Variants in CSMD1 observed in about 807,000 individuals in gnomAD.
The protein encoded by CSMD1 is CUB and Sushi multiple domains 1.
In CSMD1, 213 loss-of-function variants were observed where a neutral mutation model predicts 417.5. The observed-to-expected ratio is 0.51, with a 90% CI of 0.46 to 0.57. The LOEUF (loss-of-function observed/expected upper bound fraction) is 0.57. CSMD1 is among the 20% of genes least tolerant of loss of function. The pLI is 0.00. For missense variants in CSMD1, 6,923 were observed against 4,529.7 expected (o/e 1.53, Z -15.17); for synonymous variants, 2,862 against 1,736.8 (o/e 1.65, Z -16.11).
chr8:4,782,918 G>A (rs1447193360), intron 1 of CSMD1, among the ~76,000 whole-genome samples: 2 of 147,650 alleles, frequency 1.4e-5, no homozygotes, highest in Non-Finnish European at 3.0e-5. Context: ...GCCATATTTG[G>A]ATTCTTATAA....
intron 3 of CSMD1, among the ~76,000 whole-genome samples, chr8:4,299,744 C>T (rs1034678047): frequency 6.6e-6 from 1 of 152,042 alleles, no homozygotes; most frequent in Non-Finnish European, 1.5e-5. Context: ...GATTGTCATG[C>T]CTCAGCCTCC....
chr8:4,160,814 C>T (rs1011998851), intron 3 of CSMD1, among the ~76,000 whole-genome samples: 1 of 152,148 alleles, frequency 6.6e-6, no homozygotes, highest in Non-Finnish European at 1.5e-5. Context: ...CTGTAAATAT[C>T]AGAAAAGAAG....
At chr8:3,744,388 C>G (rs1796964053) in intron 6 of CSMD1, among the ~76,000 whole-genome samples, 1 of 152,054 alleles carries the variant, frequency 6.6e-6, no homozygotes, top group Non-Finnish European at 1.5e-5. Flanking sequence ...GATTTGGAAC[C>G]CAGGTTAATG....
chr8:3,319,054 T>A (rs537687016), intron 23 of CSMD1, among the ~76,000 whole-genome samples: 1 of 152,336 alleles, frequency 6.6e-6, no homozygotes, highest in Non-Finnish European at 1.5e-5. Context: ...GGAATTTGAT[T>A]ATCCTCAGAA....
At chr8:3,633,234 G>A (rs1036904770) in intron 7 of CSMD1, among the ~76,000 whole-genome samples, 1 of 152,080 alleles carries the variant, frequency 6.6e-6, no homozygotes, top group African/African-American at 2.4e-5. Context: ...GTCTACATTG[G>A]ATATAACATA....
chr8:3,508,202 C>T (rs1323333898), intron 10 of CSMD1, among the ~76,000 whole-genome samples: 1 of 152,060 alleles, frequency 6.6e-6, no homozygotes, highest in African/African-American at 2.4e-5. Context: ...CTTTGGTTGT[C>T]TAGAAATAGC....
At chr8:3,094,486 T>C (rs1815164350) in intron 47 of CSMD1, among the ~76,000 whole-genome samples, 1 of 152,164 alleles carries the variant, frequency 6.6e-6, no homozygotes, top group African/African-American at 2.4e-5. Context: ...ACTAACTTTC[T>C]AGAAGGAATA....
At chr8:4,976,873 A>G (rs1237384904) in intron 1 of CSMD1, among the ~76,000 whole-genome samples, 1 of 152,152 alleles carries the variant, frequency 6.6e-6, no homozygotes, top group African/African-American at 2.4e-5. Context: ...AGAAATATAG[A>G]GGGACATTGC....
At chr8:3,708,586 T>G in intron 6 of CSMD1, 95 bp from the exon 7 acceptor site, 1 of 926,144 alleles carries the variant, frequency 1.1e-6, no homozygotes, top group South Asian at 1.4e-5. Flanking sequence ...AACTGCTTTC[T>G]ATCAACCCCC....
At chr8:4,846,341 G>C (rs143707746) in intron 1 of CSMD1, among the ~76,000 whole-genome samples, 2 of 152,198 alleles carry the variant, frequency 1.3e-5, no homozygotes, top group African/African-American at 2.4e-5. Flanking sequence ...GTGTGCATAT[G>C]GGTTTATAGA....
At chr8:3,852,076 C>G (rs1490573427) in intron 5 of CSMD1, among the ~76,000 whole-genome samples, 1 of 152,170 alleles carries the variant, frequency 6.6e-6, no homozygotes, top group Non-Finnish European at 1.5e-5. Flanking sequence ...TGGAGGAGAT[C>G]TTTGCAGAAA....
intron 3 of CSMD1, among the ~76,000 whole-genome samples, chr8:4,070,784 G>A (rs1277465353): frequency 6.6e-6 from 1 of 152,136 alleles, no homozygotes; most frequent in Non-Finnish European, 1.5e-5. Context: ...CCTCTCATAA[G>A]CTGTCATAGC....
intron 3 of CSMD1, among the ~76,000 whole-genome samples, chr8:4,304,459 G>A (rs975337009): frequency 1.3e-5 from 2 of 152,172 alleles, no homozygotes; most frequent in Non-Finnish European, 1.5e-5. Context: ...CTTGCTGGAA[G>A]TCACCCAGAT....
intron 6 of CSMD1, among the ~76,000 whole-genome samples, chr8:3,750,477 A>G (rs754107995): frequency 7.2e-5 from 11 of 152,070 alleles, no homozygotes; most frequent in African/African-American, 1.2e-4. Context: ...TTGTCTTATT[A>G]GTCCCCAAAT....
chr8:3,095,326 T>A (rs1025007193), intron 47 of CSMD1, among the ~76,000 whole-genome samples: 4 of 151,978 alleles, frequency 2.6e-5, no homozygotes, highest in Non-Finnish European at 5.9e-5. Context: ...TCAAATAGAG[T>A]TTACCTCTCT....
At chr8:4,868,919 T>G (rs1802574512) in intron 1 of CSMD1, among the ~76,000 whole-genome samples, 1 of 152,016 alleles carries the variant, frequency 6.6e-6, no homozygotes, top group Non-Finnish European at 1.5e-5. Flanking sequence ...GGGCAATCAC[T>G]CATATGTGTG....
At chr8:3,298,465 T>A (rs1179121600) in intron 25 of CSMD1, among the ~76,000 whole-genome samples, 1 of 152,116 alleles carries the variant, frequency 6.6e-6, no homozygotes, top group Non-Finnish European at 1.5e-5. Flanking sequence ...TCTCTCTCTC[T>A]CTTTTTTAGA....
At chr8:4,500,450 C>G (rs558479949) in intron 2 of CSMD1, among the ~76,000 whole-genome samples, 2 of 152,074 alleles carry the variant, frequency 1.3e-5, no homozygotes, top group Non-Finnish European at 2.9e-5. Context: ...TGTAAACAAA[C>G]TATTGAACAA....
chr8:4,315,337 C>A (rs1004293354), intron 3 of CSMD1, among the ~76,000 whole-genome samples: 1 of 152,154 alleles, frequency 6.6e-6, no homozygotes, highest in Non-Finnish European at 1.5e-5. Flanking sequence ...GCTGCTGTTG[C>A]TGCACTGTGA....
Sources: gnomAD v4.1 joint callset for allele counts (sites outside exome capture counted in the v4.1 genomes callset) on GRCh38, gnomAD v4.1.1 for gene constraint, MANE v1.5 for transcripts, NCBI Gene and HGNC (gene_info 2026-07-23, HGNC 2026-07-21) for gene names.